SCUBE3: variants seen among roughly 807,000 people sequenced by gnomAD.
SCUBE3 encodes signal peptide, CUB domain and EGF like domain containing 3.
In SCUBE3, 33 loss-of-function variants were observed where a neutral mutation model predicts 116.8. That is an observed-to-expected ratio of 0.28 (90% confidence interval 0.21 to 0.38). SCUBE3 has a LOEUF of 0.38. Among genes scored for constraint, SCUBE3 ranks in the 10% least tolerant of loss-of-function variants. The probability of loss-of-function intolerance (pLI) is 1.00; values close to 1 mark genes in which losing one functional copy is unlikely to be tolerated. For missense variants in SCUBE3, 1,007 were observed against 1,324.8 expected (o/e 0.76, Z 3.72); for synonymous variants, 418 against 496.9 (o/e 0.84, Z 2.11).
Position 35,235,448 on chromosome 6 carries a change from G to T in SCUBE3, c.712+2147G>T. 7.8e-7 allele frequency: 1 copy of T among 1,285,364 alleles called. No homozygotes were observed. Among genetic ancestry groups the T allele is most frequent in the Non-Finnish European group, 1.0e-6 (1 of 984,728 alleles). 79.6% of individuals were successfully genotyped at this position (1,285,364 alleles called of 1,614,324 possible). On this transcript the variant is annotated intron_variant, in intron 6 of 21. Coordinates refer to ENST00000274938, the MANE Select transcript of SCUBE3 (RefSeq NM_152753.4). This position sits in a 1 kb window ranked among gnomAD's most constrained non-coding sequence, Gnocchi z 4.5. ...AGCTTTTTTACAATGTCAAACAGGG[G>T]AAAGGCGGCTAGAGCAGCACATCCC... is the stretch of plus-strand genomic sequence containing the variant.
rs1256566100 is a variant in SCUBE3, at chr6:35,243,153, A to G, written c.1826A>G (p.His609Arg). 6.2e-7 allele frequency: 1 copy of G among 1,614,222 alleles called. No individual in the cohort carries two copies. The highest frequency in any genetic ancestry group is 8.5e-7 in the Non-Finnish European group (1 of 1,180,036). Reference sequence around the variant, plus strand: ...GCAGGCCTTGATTATGAGCTGGCCCACAAGCCGGGCCTGGTAGCCGGGGAG... The same window carrying G: ...GCAGGCCTTGATTATGAGCTGGCCCGCAAGCCGGGCCTGGTAGCCGGGGAG... ...RLAGLDYELA[H>R]KPGLVAGERA... Residue 609 changes from histidine to arginine, a missense_variant, in exon 15 of 22, where the codon CAC (histidine) becomes CGC (arginine). Physicochemically the swap from His to Arg is conservative, Grantham distance 29. Around this residue, in one of 5 missense-constraint regions of SCUBE3, gnomAD observed 544 missense variants for 638.9 expected, o/e 0.85. Transcript: ENST00000274938. The surrounding 1 kb of genome is among the most constrained non-coding windows in gnomAD (Gnocchi z 6.6).
At position 35,242,734 on chromosome 6, in the gene SCUBE3, G is replaced by A; in HGVS notation, c.1647G>A (p.Arg549=). Residue 549 remains arginine (R), a synonymous_variant, in exon 14 of 22, where the codon AGG becomes AGA. Transcript: ENST00000274938. ...ARTPPGKEVT[R]LTLELEAEVR... is the part of the protein sequence containing the mutation. ...CCCCTCCAGGCAAAGAGGTCACAAG[G>A]CTCACCCTGGAACTGGAGGCAGAGG... is the stretch of plus-strand genomic sequence containing the variant. The A allele has an allele frequency of 6.2e-7, 1 of 1,614,112 alleles. No individual in the cohort carries two copies. Among genetic ancestry groups the A allele is most frequent in the Non-Finnish European group, 8.5e-7 (1 of 1,179,948 alleles).
rs1783731122 is a variant in SCUBE3 at position 35,235,488 on chromosome 6, C to T, written c.712+2187C>T. On this transcript the variant is annotated intron_variant, in intron 6 of 21. Transcript: ENST00000274938. The surrounding 1 kb of genome is among the most constrained non-coding windows in gnomAD (Gnocchi z 4.5). ...CAGCACATCCCCACTCAAGCCGTTT[C>T]TAATGGTAAATATGTCTGCTCTCTC... The T allele has an allele frequency of 7.8e-7, 1 of 1,285,674 alleles. No individual in the cohort carries two copies. The highest frequency in any genetic ancestry group is 1.0e-6 in the Non-Finnish European group (1 of 985,050). 79.6% of individuals were successfully genotyped at this position (1,285,674 alleles called of 1,614,324 possible).
Position 35,240,076 on chromosome 6 carries a change from C to T in SCUBE3, c.952+202C>T, listed in dbSNP as rs1409885921. Among the ~76,000 whole-genome samples, 3 of 152,248 alleles carry T rather than the reference C, an allele frequency of 2.0e-5. No individual in the cohort carries two copies. The East Asian group carries it at 5.8e-4, about 29-fold the overall frequency. ...ATCAAAGCATTCAGCCTGGCAAGGA[C>T]TGAGGGATGGATTTCACCCCAATTC... On this transcript the variant is annotated intron_variant, in intron 8 of 21. Coordinates refer to ENST00000274938, the MANE Select transcript of SCUBE3 (RefSeq NM_152753.4). The surrounding 1 kb of genome is among the most constrained non-coding windows in gnomAD (Gnocchi z 4.6).
At chr6:35,227,006 G>A (rs1783356635) in intron 1 of SCUBE3, among the ~76,000 whole-genome samples, 2 of 152,176 alleles carry the variant, frequency 1.3e-5, no homozygotes, top group Non-Finnish European at 2.9e-5. Context: ...AGGGGCCGAG[G>A]AAAATCATCC....
Position 35,239,940 on chromosome 6 carries a change from C to A in SCUBE3, c.952+66C>A. On this transcript the variant is annotated intron_variant, in intron 8 of 21. Transcript: ENST00000274938. The surrounding 1 kb of genome is among the most constrained non-coding windows in gnomAD (Gnocchi z 4.1). ...TCTTGTGGGAGAGCTTCAAGGAGGC[C>A]AGAGGGCTAAAGTCTTAGAAACTCA... 7.0e-7 allele frequency: 1 copy of A among 1,430,996 alleles called. No individual in the cohort carries two copies. Among genetic ancestry groups the A allele is most frequent in the Non-Finnish European group, 9.4e-7 (1 of 1,066,990 alleles). The allele number at this position is 1,430,996 out of a possible 1,614,324, so 88.6% of individuals were successfully genotyped here.
Position 35,248,760 on chromosome 6 carries a change from G to A in SCUBE3, c.*55G>A. ...AAGCCCCCAGACTCCTTAGCCCTCA[G>A]AGCCGGCAGCCCCCTACCCTCAGAC... On this transcript the variant is annotated 3_prime_UTR_variant, in exon 22 of 22. Coordinates refer to ENST00000274938, the MANE Select transcript of SCUBE3 (RefSeq NM_152753.4). 1 of 1,486,134 alleles carries A rather than the reference G, an allele frequency of 6.7e-7. No individual in the cohort carries two copies. The highest frequency in any genetic ancestry group is 9.3e-7 in the Non-Finnish European group (1 of 1,077,414). The allele number at this position is 1,486,134 out of a possible 1,614,324, so 92.1% of individuals were successfully genotyped here. A position where few individuals can be genotyped will look rare whatever the true frequency, so the allele number is the denominator to read the frequency against.
chr6:35,226,515 C>A (rs994597266), intron 1 of SCUBE3, among the ~76,000 whole-genome samples: 1 of 95,272 alleles, frequency 1.0e-5, no homozygotes, highest in African/African-American at 4.4e-5. Flanking sequence ...GATAGAGTCT[C>A]ACTGTCGCCC....
chr6:35,241,373 G>C lies in SCUBE3; in HGVS notation c.1195+107G>C. The C allele has an allele frequency of 7.4e-7, 1 of 1,348,230 alleles. No homozygotes were observed. Among genetic ancestry groups the C allele is most frequent in the Non-Finnish European group, 1.0e-6 (1 of 963,150 alleles). 83.5% of individuals were successfully genotyped at this position (1,348,230 alleles called of 1,614,324 possible). ...ATTGGGGAAAGGTGTGAGGTGGAAAGGGTGGAGAATGTAGCCATTTTGAGT... is the reference window on the plus strand; with the variant it reads ...ATTGGGGAAAGGTGTGAGGTGGAAACGGTGGAGAATGTAGCCATTTTGAGT... On this transcript the variant is annotated intron_variant, in intron 10 of 21. Transcript: ENST00000274938. The surrounding 1 kb of genome is among the most constrained non-coding windows in gnomAD (Gnocchi z 4.1).
chr6:35,233,402 G>A lies in SCUBE3; in HGVS notation c.712+101G>A, dbSNP rs572964626. 5.5e-5 allele frequency: 41 copies of A among 739,612 alleles called. No individual in the cohort carries two copies. The highest frequency in any genetic ancestry group is 3.6e-4 in the African/African-American group (21 of 57,818). The allele number at this position is 739,612 out of a possible 1,614,324, so 45.8% of individuals were successfully genotyped here. A position where few individuals can be genotyped will look rare whatever the true frequency, so the allele number is the denominator to read the frequency against. ...GAGGAGTGCATGGGGCCCAGGTGCT[G>A]GGCACAGAGGGACTGGTGAGGGAGT... is the stretch of plus-strand genomic sequence containing the variant. On this transcript the variant is annotated intron_variant, in intron 6 of 21. Transcript: ENST00000274938. The surrounding 1 kb of genome is among the most constrained non-coding windows in gnomAD (Gnocchi z 5.7).
Position 35,243,150 on chromosome 6 carries a change from C to A in SCUBE3, c.1823C>A (p.Ala608Asp). 6.2e-7 allele frequency: 1 copy of A among 1,614,202 alleles called. No homozygotes were observed. Among genetic ancestry groups the A allele is most frequent in the South Asian group, 1.1e-5 (1 of 91,090 alleles). The stretch of plus-strand genomic sequence containing the variant: ...CTGGCAGGCCTTGATTATGAGCTGG[C>A]CCACAAGCCGGGCCTGGTAGCCGGG... ...LRLAGLDYEL[A>D]HKPGLVAGER... The change falls in exon 15 of 22, where the codon GCC (alanine) becomes GAC (aspartate). Residue 608 changes from alanine to aspartate, a missense_variant. Ala to Asp is a moderately radical substitution (Grantham distance 126). Transcript: ENST00000274938. The surrounding 1 kb of genome is among the most constrained non-coding windows in gnomAD (Gnocchi z 6.6).
rs1317800800 is a variant in SCUBE3, at chr6:35,244,678, C to T, written c.2268C>T (p.Asn756=). The change falls in exon 18 of 22, where the codon AAC becomes AAT. Residue 756 remains asparagine (N), a synonymous_variant. Transcript: ENST00000274938. This position sits in a 1 kb window ranked among gnomAD's most constrained non-coding sequence, Gnocchi z 4.3. The part of the protein sequence containing the change: ...KVQCSPGHYY[N]TSIHRCIRCA... ...AGTGCTCCCCAGGGCACTACTACAA[C>T]ACCAGCATCCACCGCTGTATTCGCT... 10 of 1,614,070 alleles carry T rather than the reference C, an allele frequency of 6.2e-6. No homozygotes were observed. The Admixed American group carries it at 1.7e-4, about 27-fold the overall frequency.
In SCUBE3 at chr6:35,245,559, C is replaced by A; in HGVS notation, c.2599+134C>A. 1.4e-6 allele frequency: 1 copy of A among 707,742 alleles called. No homozygotes were observed. The highest frequency in any genetic ancestry group is 2.4e-6 in the Non-Finnish European group (1 of 417,382). 43.8% of individuals were successfully genotyped at this position (707,742 alleles called of 1,614,324 possible). ...TCTATGAGGGTGAAATAGTGAGAGG[C>A]CTTTAGGAAGAGAGAAGCTAACAAA... On this transcript the variant is annotated intron_variant, in intron 19 of 21. Transcript: ENST00000274938. This position sits in a 1 kb window ranked among gnomAD's most constrained non-coding sequence, Gnocchi z 4.2.
In SCUBE3 at chr6:35,227,732, G is replaced by A. The variant is rs749660556; in HGVS notation, c.208+30G>A. 7.4e-6 allele frequency: 12 copies of A among 1,613,058 alleles called. No homozygotes were observed. The African/African-American group carries it at 1.3e-4, about 18-fold the overall frequency. On this transcript the variant is annotated intron_variant, in intron 2 of 21. Transcript: ENST00000274938. The stretch of plus-strand genomic sequence containing the variant: ...GGCTGGAAGGGCACCTGGAGGAGAG[G>A]GACCTGTGGAAGAAGGCAAACCAGT...
intron 13 of SCUBE3, 110 bp downstream of exon 13, chr6:35,242,430 C>A: frequency 3.1e-6 from 3 of 961,102 alleles, no homozygotes; most frequent in Non-Finnish European, 4.9e-6. Flanking sequence ...CTAGGCAGAG[C>A]AGAGGAAAAA....
At position 35,229,161 on chromosome 6, in the gene SCUBE3, C is replaced by A. The variant is rs1351399177; in HGVS notation, c.334+422C>A. Among the ~76,000 whole-genome samples, 5 of 152,252 alleles carry A rather than the reference C, an allele frequency of 3.3e-5. No individual in the cohort carries two copies. The East Asian group carries it at 7.7e-4, about 24-fold the overall frequency. On this transcript the variant is annotated intron_variant, in intron 3 of 21. Transcript: ENST00000274938. The stretch of plus-strand genomic sequence containing the variant: ...TGGTAGCTCACACCTGTAATCCCAG[C>A]ACTTTGGGAGGCCGAGGCAGAGGGA...
intron 6 of SCUBE3, among the ~76,000 whole-genome samples, chr6:35,234,429 C>T (rs1783676976): frequency 6.6e-6 from 1 of 152,184 alleles, no homozygotes; most frequent in Admixed American, 6.5e-5. Flanking sequence ...AGATGATGCT[C>T]TTACAGGGCT....
Position 35,233,139 on chromosome 6 carries a change from T to G in SCUBE3, c.596-46T>G, listed in dbSNP as rs766187047. 34 of 1,522,390 alleles carry G rather than the reference T, an allele frequency of 2.2e-5. No individual in the cohort carries two copies. The highest frequency in any genetic ancestry group is 3.0e-5 in the Non-Finnish European group (33 of 1,099,196). 94.3% of individuals were successfully genotyped at this position (1,522,390 alleles called of 1,614,324 possible). A position where few individuals can be genotyped will look rare whatever the true frequency, so the allele number is the denominator to read the frequency against. ...TACCCACATTGTGGAAAACTGTGGA[T>G]GCAGGGAGGAGCAAGCTGACAGGGC... is the stretch of plus-strand genomic sequence containing the variant. On this transcript the variant is annotated intron_variant, in intron 5 of 21. Transcript: ENST00000274938. This position sits in a 1 kb window ranked among gnomAD's most constrained non-coding sequence, Gnocchi z 5.7.
rs1422181158 is a variant in SCUBE3, at chr6:35,241,675, G to A, written c.1312+16G>A. On this transcript the variant is annotated intron_variant, in intron 11 of 21. Coordinates refer to ENST00000274938, the MANE Select transcript of SCUBE3 (RefSeq NM_152753.4). This position sits in a 1 kb window ranked among gnomAD's most constrained non-coding sequence, Gnocchi z 4.1. Reference sequence around the variant, plus strand: ...TTTTTGCCAGGTACATGGGAGGAGGGTGCTGGAGAGCTTTGGAGGAGAAAA... The same window carrying A: ...TTTTTGCCAGGTACATGGGAGGAGGATGCTGGAGAGCTTTGGAGGAGAAAA... 6.4e-7 allele frequency: 1 copy of A among 1,573,670 alleles called. No homozygotes were observed. The highest frequency in any genetic ancestry group is 2.2e-5 in the East Asian group (1 of 44,684).
Sources: allele counts gnomAD v4.1 joint callset (sites outside exome capture counted in the v4.1 genomes callset), GRCh38; gene constraint gnomAD v4.1.1; regional missense constraint gnomAD v4.1.1; non-coding constraint Gnocchi (gnomAD v3.1); transcripts MANE v1.5; gene names NCBI Gene and HGNC (gene_info 2026-07-23, HGNC 2026-07-21).